SH3GL2: variants seen among roughly 807,000 people sequenced by gnomAD.
SH3GL2 encodes the protein endophilin-A1.
A neutral mutation model predicts 46.0 loss-of-function variants in SH3GL2; 24 were observed. The observed-to-expected ratio is 0.52, with a 90% CI of 0.38 to 0.73. SH3GL2 has a LOEUF of 0.73. Ranked by LOEUF, SH3GL2 falls within the 30% of genes least tolerant of loss-of-function variation. The pLI, the probability that SH3GL2 is intolerant of heterozygous loss-of-function variation, is 0.00. For synonymous variants in SH3GL2, 196 were observed against 147.1 expected (o/e 1.33, Z -2.40); for missense variants, 413 against 424.2 (o/e 0.97, Z 0.23).
intron 1 of SH3GL2, among the ~76,000 whole-genome samples, chr9:17,625,621 A>G (rs993165580): frequency 6.6e-6 from 1 of 152,230 alleles, no homozygotes; most frequent in Admixed American, 6.5e-5. Context: ...TTAGTAGCAA[A>G]GAGCTAGTAA....
At chr9:17,695,398 C>T (rs1056717608) in intron 1 of SH3GL2, among the ~76,000 whole-genome samples, 1 of 152,008 alleles carries the variant, frequency 6.6e-6, no homozygotes, top group African/African-American at 2.4e-5. Context: ...ATTTTTATTT[C>T]CAGGGGGTTA....
rs111762211 is a variant in SH3GL2 at position 17,649,092 on chromosome 9, C to G, written c.45+69805C>G. On this transcript the variant is annotated intron_variant, in intron 1 of 8. Transcript: ENST00000380607. The stretch of plus-strand genomic sequence containing the variant: ...ACTCAAGGATTAATCGTAAGGTTCT[C>G]TAGTGTACATTTTTCATTATTGTTT... Among the ~76,000 whole-genome samples the G allele has an allele frequency of 6.9e-3, 1,052 of 152,182 alleles. 11 individuals are homozygous for G. Among genetic ancestry groups the G allele is most frequent in the African/African-American group, 0.023 (954 of 41,502 alleles).
chr9:17,781,573 C>G (rs1344446085), intron 3 of SH3GL2, among the ~76,000 whole-genome samples: 1 of 152,100 alleles, frequency 6.6e-6, no homozygotes, highest in Non-Finnish European at 1.5e-5. Context: ...GGATATACAC[C>G]TAGAAGTGGA....
intron 1 of SH3GL2, among the ~76,000 whole-genome samples, chr9:17,704,172 G>A (rs11793387): frequency 0.076 from 11,542 of 151,124 alleles, 607 homozygotes; most frequent in Admixed American, 0.14. Context: ...GCCAAACCAA[G>A]AACACACTCC....
intron 1 of SH3GL2, among the ~76,000 whole-genome samples, chr9:17,686,616 A>G (rs1478295580): frequency 7.1e-6 from 1 of 140,440 alleles, no homozygotes; most frequent in East Asian, 2.1e-4. Context: ...GCCATAAAAA[A>G]TGATGAGTTC....
At chr9:17,590,376 A>AG (rs1818458491) in intron 1 of SH3GL2, 1 of 152,192 alleles carries the variant, frequency 6.6e-6, no homozygotes, top group African/African-American at 2.4e-5. Context: ...ACTGATTAAT[A>AG]TTAATAGCCT....
intron 1 of SH3GL2, among the ~76,000 whole-genome samples, chr9:17,723,926 G>T (rs181771651): frequency 1.3e-5 from 2 of 152,124 alleles, no homozygotes; most frequent in East Asian, 3.9e-4. Context: ...TTGATTTCAA[G>T]AGTTTATCTT....
At chr9:17,716,728 A>G (rs567259669) in intron 1 of SH3GL2, among the ~76,000 whole-genome samples, 3 of 152,244 alleles carry the variant, frequency 2.0e-5, no homozygotes, top group Non-Finnish European at 2.9e-5. Context: ...TGAAAATGCT[A>G]GTCACCTTGG....
chr9:17,775,820 C>G (rs1392037369), intron 3 of SH3GL2, among the ~76,000 whole-genome samples: 2 of 152,158 alleles, frequency 1.3e-5, no homozygotes, highest in Admixed American at 1.3e-4. Context: ...ACTTGGAGTA[C>G]TGTGGCCACC....
chr9:17,686,940 T>TA (rs59187344), intron 1 of SH3GL2, among the ~76,000 whole-genome samples: 71,909 of 148,380 alleles, frequency 0.48, 17,497 homozygotes, highest in South Asian at 0.61. Context: ...AAAGTATAAT[T>TA]AAAAAAAAAA....
intron 1 of SH3GL2, among the ~76,000 whole-genome samples, chr9:17,614,295 G>GAAAAA (rs3084628): frequency 0.14 from 9,584 of 69,806 alleles, 1,789 homozygotes; most frequent in Admixed American, 0.2. Flanking sequence ...CATGGTTTCT[G>GAAAAA]AAAAAAAAAA....
intron 3 of SH3GL2, among the ~76,000 whole-genome samples, chr9:17,781,332 GT>G (rs1197445488): frequency 8.0e-6 from 1 of 124,918 alleles, no homozygotes; most frequent in East Asian, 2.4e-4. Context: ...GGGGTTGTTT[GT>G]TTTTTTCTTG....
chr9:17,607,984 T>A, intron 1 of SH3GL2, among the ~76,000 whole-genome samples: 1 of 152,120 alleles, frequency 6.6e-6, no homozygotes, highest in African/African-American at 2.4e-5. Flanking sequence ...TTTATTATGG[T>A]GAAGAAATTC....
chr9:17,592,906 GA>G (rs530709536), intron 1 of SH3GL2, among the ~76,000 whole-genome samples: 130 of 152,248 alleles, frequency 8.5e-4, no homozygotes, highest in African/African-American at 3.0e-3. Context: ...CCTTAGAGGG[GA>G]AAGGGGGTGA....
chr9:17,730,140 G>C (rs2118408562), intron 1 of SH3GL2, among the ~76,000 whole-genome samples: 1 of 152,202 alleles, frequency 6.6e-6, no homozygotes, highest in Admixed American at 6.5e-5. Context: ...ATTTCCTTGA[G>C]CAGTGTCATG....
At chr9:17,765,040 G>A in intron 3 of SH3GL2, among the ~76,000 whole-genome samples, 1 of 5,576 alleles carries the variant, frequency 1.8e-4, no homozygotes. Context: ...TGGGTACATG[G>A]ACAGGCCAGG....
chr9:17,677,783 C>G (rs945089466), intron 1 of SH3GL2, among the ~76,000 whole-genome samples: 13 of 151,964 alleles, frequency 8.6e-5, no homozygotes, highest in African/African-American at 2.9e-4. Context: ...TCCTACCTCC[C>G]CCCACCCCAC....
At chr9:17,721,151 CT>C (rs1422946180) in intron 1 of SH3GL2, among the ~76,000 whole-genome samples, 1 of 151,968 alleles carries the variant, frequency 6.6e-6, no homozygotes, top group East Asian at 1.9e-4. Context: ...AAACTGACTG[CT>C]TGGCTTTTGA....
chr9:17,754,491 G>A (rs533854646), intron 2 of SH3GL2, among the ~76,000 whole-genome samples: 2 of 151,942 alleles, frequency 1.3e-5, no homozygotes, highest in African/African-American at 4.8e-5. Flanking sequence ...GGCTAACATG[G>A]TGAAACCCTG....
Sources: allele counts gnomAD v4.1 joint callset (sites outside exome capture counted in the v4.1 genomes callset), GRCh38; gene constraint gnomAD v4.1.1; transcripts MANE v1.5; gene names NCBI Gene and HGNC (gene_info 2026-07-23, HGNC 2026-07-21).